TBC1D13: variants seen among roughly 807,000 people sequenced by gnomAD.
TBC1D13 encodes the protein TBC1 domain family member 13.
Under a neutral mutation model 53.6 loss-of-function variants are expected in TBC1D13, and 40 were observed. The ratio of observed to expected loss-of-function variants is 0.75; its 90% confidence interval spans 0.58 to 0.97. The LOEUF (loss-of-function observed/expected upper bound fraction) is 0.97. TBC1D13 is among the 50% of genes least tolerant of loss of function. The pLI is 0.00. For synonymous variants in TBC1D13, 182 were observed against 197.7 expected (o/e 0.92, Z 0.67); for missense variants, 377 against 499.4 (o/e 0.75, Z 2.34).
chr9:128,796,053 A>AG (rs201250990), intron 6 of TBC1D13, among the ~76,000 whole-genome samples: 1,830 of 152,336 alleles, frequency 0.012, 110 homozygotes, highest in Admixed American at 0.11. Flanking sequence ...TTTTAAAAAA[A>AG]TACTGTTTTT....
Position 128,788,392 on chromosome 9 carries a change from G to A in TBC1D13, c.82G>A (p.Glu28Lys). Residue 28 changes from glutamate to lysine, a missense_variant, in exon 2 of 12, where the codon GAA becomes AAA. By Grantham distance (56) the Glu-to-Lys change is moderately conservative. Transcript: ENST00000372648. ...EPSIALEKLR[E>K]LSFSGIPCEG... ...CTCAATTGCATTGGAAAAGCTGCGGGAACTCAGCTTTAGTGGTAAGAAGCC... is the reference window on the plus strand; with the variant it reads ...CTCAATTGCATTGGAAAAGCTGCGGAAACTCAGCTTTAGTGGTAAGAAGCC... 6.2e-7 allele frequency: 1 copy of A among 1,614,020 alleles called. No individual in the cohort carries two copies. Among genetic ancestry groups the A allele is most frequent in the Non-Finnish European group, 8.5e-7 (1 of 1,179,922 alleles).
rs1312777021 is a variant in TBC1D13 at position 128,807,996 on chromosome 9, G to A, written c.*117G>A. On this transcript the variant is annotated 3_prime_UTR_variant, in exon 12 of 12. Transcript: ENST00000372648. Reference sequence around the variant, plus strand: ...TGAGGGGAAGCCACAGGATCGGCCCGAGACCCAGGCCATGCCCACTGGGGA... The same window carrying A: ...TGAGGGGAAGCCACAGGATCGGCCCAAGACCCAGGCCATGCCCACTGGGGA... 2.6e-5 allele frequency: 25 copies of A among 969,142 alleles called. No individual in the cohort carries two copies. The highest frequency in any genetic ancestry group is 2.7e-5 in the Non-Finnish European group (17 of 622,430). The allele number at this position is 969,142 out of a possible 1,614,324, so 60.0% of individuals were successfully genotyped here.
chr9:128,799,311 C>G (rs932998699), intron 7 of TBC1D13, among the ~76,000 whole-genome samples: 14 of 152,236 alleles, frequency 9.2e-5, no homozygotes, highest in Non-Finnish European at 1.5e-5. Context: ...AACTTCATCC[C>G]TAAGCCTCTG....
At chr9:128,795,829 G>A (rs1829620777) in intron 6 of TBC1D13, among the ~76,000 whole-genome samples, 1 of 151,976 alleles carries the variant, frequency 6.6e-6, no homozygotes, top group Non-Finnish European at 1.5e-5. Context: ...CTGGGCTCAA[G>A]TGATCCCTCC....
At chr9:128,787,915 C>T (rs755387291) in intron 1 of TBC1D13, among the ~76,000 whole-genome samples, 1 of 152,056 alleles carries the variant, frequency 6.6e-6, no homozygotes, top group Non-Finnish European at 1.5e-5. Context: ...TGAGCATGGT[C>T]CATTGTCTGC....
rs1225616049 is a variant in TBC1D13, at chr9:128,809,697, A to G, written c.*1818A>G. 6 of 152,234 alleles carry G rather than the reference A, an allele frequency of 3.9e-5. No homozygotes were observed. Among genetic ancestry groups the G allele is most frequent in the African/African-American group, 1.2e-4 (5 of 41,430 alleles). 9.4% of individuals were successfully genotyped at this position (152,234 alleles called of 1,614,324 possible). A position where few individuals can be genotyped will look rare whatever the true frequency, so the allele number is the denominator to read the frequency against. ...GAGACAAGATCCTCTTCATTTTCCA[A>G]GATCAAAGTCAGCCTCTTCTCCCCA... On this transcript the variant is annotated 3_prime_UTR_variant, in exon 12 of 12. Coordinates refer to ENST00000372648, the MANE Select transcript of TBC1D13 (RefSeq NM_018201.5).
At chr9:128,801,611 G>A (rs1393845889) in intron 7 of TBC1D13, among the ~76,000 whole-genome samples, 1 of 150,246 alleles carries the variant, frequency 6.7e-6, no homozygotes, top group African/African-American at 2.4e-5. Context: ...CCTGGGAGGT[G>A]GAGGTTGCAG....
rs199959705 is a variant in TBC1D13 at position 128,792,574 on chromosome 9, G to A, written c.383G>A (p.Arg128Gln). Residue 128 changes from arginine (R) to glutamine (Q), a missense_variant and splice_region_variant, in exon 6 of 12, where the codon CGG becomes CAG. Arg to Gln is a conservative substitution (Grantham distance 43). Transcript: ENST00000372648. Reference protein sequence around the residue: ...EVLLQIDKDVRRLCPDISFFQ... With the variant: ...EVLLQIDKDVQRLCPDISFFQ... ...CTGCTGCAGATCGACAAAGATGTCC[G>A]GTAGGCAGGGTGCCTGGGGCCGGGA... 19 of 1,613,676 alleles carry A rather than the reference G, an allele frequency of 1.2e-5. No individual in the cohort carries two copies. The highest frequency in any genetic ancestry group is 8.3e-5 in the Admixed American group (5 of 59,984).
intron 7 of TBC1D13, among the ~76,000 whole-genome samples, chr9:128,801,027 G>T (rs1233158486): frequency 2.0e-5 from 3 of 152,090 alleles, no homozygotes. Context: ...ACAAAAAAAT[G>T]CCAGGCGTGG....
intron 8 of TBC1D13, 52 bp downstream of exon 8, chr9:128,803,512 G>A (rs936014041): frequency 6.4e-7 from 1 of 1,566,530 alleles, no homozygotes; most frequent in South Asian, 1.1e-5. Flanking sequence ...GTGTCAGGCT[G>A]TGCACCTCAC....
chr9:128,791,035 G>C (rs1477337308), intron 3 of TBC1D13, among the ~76,000 whole-genome samples: 1 of 152,230 alleles, frequency 6.6e-6, no homozygotes, highest in Non-Finnish European at 1.5e-5. Context: ...CATGCTTATT[G>C]GGACAAAACA....
chr9:128,789,276 A>G (rs1029168819), intron 2 of TBC1D13, among the ~76,000 whole-genome samples: 40 of 135,682 alleles, frequency 2.9e-4, no homozygotes, highest in African/African-American at 9.7e-4. Flanking sequence ...AGATTGCGCC[A>G]TTGCACTCCA....
At chr9:128,803,886 A>C (rs1829780417) in intron 8 of TBC1D13, 70 bp from the exon 9 acceptor site, 2 of 1,585,974 alleles carry the variant, frequency 1.3e-6, no homozygotes, top group Non-Finnish European at 1.7e-6. Context: ...AGCAGGGCAG[A>C]TGTCTGGTAG....
At position 128,808,117 on chromosome 9, in the gene TBC1D13, C is replaced by G. The variant is rs546161607; in HGVS notation, c.*238C>G. On this transcript the variant is annotated 3_prime_UTR_variant, in exon 12 of 12. Coordinates refer to ENST00000372648, the MANE Select transcript of TBC1D13 (RefSeq NM_018201.5). The stretch of plus-strand genomic sequence containing the variant: ...CAGGATACTGAGGAGGGCTGGAGCT[C>G]GGGAAGTTGTCCTTCCTGGGCCAGG... 3 of 513,706 alleles carry G rather than the reference C, an allele frequency of 5.8e-6. No homozygotes were observed. The highest frequency in any genetic ancestry group is 5.7e-5 in the African/African-American group (3 of 52,524). The allele number at this position is 513,706 out of a possible 1,614,324, so 31.8% of individuals were successfully genotyped here.
intron 9 of TBC1D13, among the ~76,000 whole-genome samples, chr9:128,804,873 C>T (rs7044955): frequency 0.37 from 56,472 of 151,578 alleles, 13,935 homozygotes; most frequent in African/African-American, 0.71. Flanking sequence ...GGATTACAGG[C>T]GTGCGTTACC....
At position 128,808,026 on chromosome 9, in the gene TBC1D13, CTG is replaced by C; in HGVS notation, c.*150_*151del. ...CCAGGCCATGCCCACTGGGGACACA[CTG>C]TGCCGTGCTCCTTCTGCCGCCACGC... On this transcript the variant is annotated 3_prime_UTR_variant, in exon 12 of 12. Transcript: ENST00000372648. The C allele has an allele frequency of 1.4e-6, 1 of 714,786 alleles. No individual in the cohort carries two copies. The highest frequency in any genetic ancestry group is 2.4e-6 in the Non-Finnish European group (1 of 409,818). The allele number at this position is 714,786 out of a possible 1,614,324, so 44.3% of individuals were successfully genotyped here.
chr9:128,808,064 A>G lies in TBC1D13; in HGVS notation c.*185A>G, dbSNP rs114834538. Reference sequence around the variant, plus strand: ...CTTCTGCCGCCACGCCCAGCTCCCCACCTGCCCTGCACTCTGCCCTCTTTG... The same window carrying G: ...CTTCTGCCGCCACGCCCAGCTCCCCGCCTGCCCTGCACTCTGCCCTCTTTG... On this transcript the variant is annotated 3_prime_UTR_variant, in exon 12 of 12. Transcript: ENST00000372648. 2,103 of 622,710 alleles carry G rather than the reference A, an allele frequency of 3.4e-3. 37 individuals are homozygous for G. The highest frequency in any genetic ancestry group is 0.033 in the African/African-American group (1,808 of 55,040). 38.6% of individuals were successfully genotyped at this position (622,710 alleles called of 1,614,324 possible).
intron 6 of TBC1D13, 108 bp from the exon 7 acceptor site, chr9:128,796,947 C>T (rs755454726): frequency 7.5e-7 from 1 of 1,336,948 alleles, no homozygotes; most frequent in Admixed American, 2.1e-5. Context: ...AAAACAAAAA[C>T]AAAAACAAAA....
chr9:128,796,091 T>C (rs1423691570), intron 6 of TBC1D13, among the ~76,000 whole-genome samples: 1 of 152,074 alleles, frequency 6.6e-6, no homozygotes, highest in African/African-American at 2.4e-5. Context: ...TTGTTGTTGT[T>C]ATTATTATTT....
Sources: allele counts gnomAD v4.1 joint callset (sites outside exome capture counted in the v4.1 genomes callset), GRCh38; gene constraint gnomAD v4.1.1; transcripts MANE v1.5; gene names NCBI Gene and HGNC (gene_info 2026-07-23, HGNC 2026-07-21).